Variants in LSP1 observed in about 807,000 individuals in gnomAD.
LSP1 encodes the protein lymphocyte specific protein 1, also known as lymphocyte-specific protein 1.
LSP1 carries 32 observed loss-of-function variants against 49.3 expected under a neutral mutation model. The observed-to-expected ratio is 0.65, with a 90% CI of 0.49 to 0.87. The LOEUF is 0.87. LSP1 is among the 40% of genes least tolerant of loss of function. LSP1 has a pLI of 0.00. For missense variants in LSP1, 428 were observed against 442.6 expected (o/e 0.97, Z 0.30); for synonymous variants, 179 against 178.8 (o/e 1.00, Z -0.01).
intron 10 of LSP1, chr11:1,889,518 G>A (rs747994025): frequency 4.4e-5 from 27 of 617,840 alleles, no homozygotes; most frequent in South Asian, 3.5e-4. Context: ...CTCTGGGCAC[G>A]GAGGCTCTGG....
intron 2 of LSP1, among the ~76,000 whole-genome samples, chr11:1,880,476 C>A (rs1350964686): frequency 6.6e-6 from 1 of 152,094 alleles, no homozygotes; most frequent in East Asian, 1.9e-4. Flanking sequence ...CGTGCCCTGG[C>A]CCTTGCTCGG....
chr11:1,880,518 C>T (rs1216186680), intron 2 of LSP1, among the ~76,000 whole-genome samples: 5 of 152,182 alleles, frequency 3.3e-5, no homozygotes, highest in East Asian at 3.9e-4. Flanking sequence ...GCAGCCTGGC[C>T]GAGCCCCCCA....
chr11:1,866,920 G>A, intron 1 of LSP1: 1 of 1,500,120 alleles, frequency 6.7e-7, no homozygotes, highest in South Asian at 1.2e-5. Context: ...AGGTGAGCAA[G>A]CCGCACTCAG....
At chr11:1,891,020 G>A (rs1476569569) in intron 10 of LSP1, 1 of 164,746 alleles carries the variant, frequency 6.1e-6, no homozygotes, top group Non-Finnish European at 1.3e-5. Context: ...GGCTGGAAGA[G>A]CGGCTGCCCC....
intron 1 of LSP1, among the ~76,000 whole-genome samples, chr11:1,871,814 G>A (rs1848023682): frequency 6.7e-6 from 1 of 148,734 alleles, no homozygotes; most frequent in Admixed American, 6.7e-5. Flanking sequence ...TCCGGCTGGC[G>A]TGGGCACTTT....
At chr11:1,886,068 A>G (rs1344369058) in intron 7 of LSP1, among the ~76,000 whole-genome samples, 1 of 151,342 alleles carries the variant, frequency 6.6e-6, no homozygotes, top group Non-Finnish European at 1.5e-5. Context: ...TCCTCCATCC[A>G]ACCAATACTT....
chr11:1,891,382 CA>C (rs1013773354), intron 10 of LSP1: 5 of 151,908 alleles, frequency 3.3e-5, no homozygotes, highest in African/African-American at 1.2e-4. Flanking sequence ...AAGGCAAGAA[CA>C]GAGCTGCTGG....
chr11:1,885,404 T>C (rs115590903), intron 7 of LSP1, among the ~76,000 whole-genome samples: 42 of 151,746 alleles, frequency 2.8e-4, no homozygotes, highest in African/African-American at 9.7e-4. Flanking sequence ...CAATACACCT[T>C]CATCCAATCA....
chr11:1,883,283 T>A, intron 3 of LSP1, 136 bp from the exon 4 acceptor site: 1 of 1,094,172 alleles, frequency 9.1e-7, no homozygotes, highest in Non-Finnish European at 1.3e-6. Context: ...TGGGCTTGGG[T>A]CTCAGATCCC....
intron 7 of LSP1, among the ~76,000 whole-genome samples, chr11:1,886,318 C>G (rs1170281067): frequency 6.6e-6 from 1 of 152,062 alleles, no homozygotes; most frequent in Non-Finnish European, 1.5e-5. Context: ...TCCATCCAAT[C>G]AATATTCCTT....
chr11:1,888,749 C>T (rs981971209), intron 10 of LSP1: 1 of 175,928 alleles, frequency 5.7e-6, no homozygotes, highest in Non-Finnish European at 1.2e-5. Context: ...AAACCTTTGA[C>T]AGCAAAAGGT....
chr11:1,887,437 T>C (rs1356811285), intron 9 of LSP1, 37 bp from the exon 10 acceptor site: 1 of 1,599,288 alleles, frequency 6.3e-7, no homozygotes. Context: ...TCCTTTCTGC[T>C]GCTCTCACCT....
chr11:1,890,564 C>T (rs760582443), intron 10 of LSP1: 2 of 710,242 alleles, frequency 2.8e-6, no homozygotes, highest in Non-Finnish European at 5.2e-6. Flanking sequence ...CGGGTGCCAT[C>T]GACGCAGCCG....
intron 3 of LSP1, 80 bp from the exon 4 acceptor site, chr11:1,883,339 A>G (rs1848624625): frequency 6.5e-7 from 1 of 1,543,400 alleles, no homozygotes; most frequent in Non-Finnish European, 8.9e-7. Context: ...AGATGGGGAA[A>G]CTGAGGCTTG....
intron 1 of LSP1, among the ~76,000 whole-genome samples, chr11:1,865,525 C>A (rs1847759105): frequency 6.6e-6 from 1 of 150,568 alleles, no homozygotes; most frequent in African/African-American, 2.4e-5. Context: ...TGCGCTGTCG[C>A]CTGCTCACAC....
chr11:1,866,645 G>C, intron 1 of LSP1: 2 of 1,550,396 alleles, frequency 1.3e-6, no homozygotes, highest in East Asian at 4.9e-5. Context: ...CTGCTGGTCA[G>C]ACCTCCCTCC....
intron 1 of LSP1, chr11:1,866,318 C>T: frequency 1.6e-6 from 1 of 641,002 alleles, no homozygotes; most frequent in Non-Finnish European, 2.5e-6. Flanking sequence ...CTTGCCACTG[C>T]CCACCCAGGC....
intron 1 of LSP1, among the ~76,000 whole-genome samples, chr11:1,853,966 C>A (rs1298631103): frequency 6.6e-6 from 1 of 152,212 alleles, no homozygotes; most frequent in Non-Finnish European, 1.5e-5. Context: ...GGCTTAGTAA[C>A]TGGGCTCCCT....
At position 1,866,771 on chromosome 11, in the gene LSP1, A is replaced by T. The variant is rs754850006; in HGVS notation, c.54-13316A>T. 5.2e-6 allele frequency: 8 copies of T among 1,550,334 alleles called. No individual in the cohort carries two copies. In the East Asian group the frequency reaches 2.0e-4, roughly 38 times the overall value. On this transcript the variant is annotated intron_variant, in intron 1 of 10. Transcript: ENST00000311604. Reference sequence around the variant, plus strand: ...CCCAGGCTCACCAGTGCTACTTAACAAATGGGCCCAAGAGAAGGAAGTGCA... The same window carrying T: ...CCCAGGCTCACCAGTGCTACTTAACTAATGGGCCCAAGAGAAGGAAGTGCA...
Sources: allele counts gnomAD v4.1 joint callset (sites outside exome capture counted in the v4.1 genomes callset), GRCh38; gene constraint gnomAD v4.1.1; transcripts MANE v1.5; gene names NCBI Gene and HGNC (gene_info 2026-07-23, HGNC 2026-07-21).